Variants in STK24 observed in about 807,000 individuals in gnomAD.
STK24 encodes the protein serine/threonine kinase 24.
STK24 carries 21 observed loss-of-function variants against 55.6 expected under a neutral mutation model. That is an observed-to-expected ratio of 0.38 (90% CI 0.27 to 0.54). The LOEUF is 0.54. Among genes scored for constraint, STK24 ranks in the 20% least tolerant of loss-of-function variants. The probability of loss-of-function intolerance (pLI) is 0.79; values close to 1 mark genes in which losing one functional copy is unlikely to be tolerated. For synonymous variants in STK24, 200 were observed against 215.2 expected (o/e 0.93, Z 0.62); for missense variants, 383 against 538.4 (o/e 0.71, Z 2.86).
Position 98,577,081 on chromosome 13 carries a change from G to C in STK24, c.-295C>G, listed in dbSNP as rs975634499. The C allele has an allele frequency of 6.9e-6, 1 of 145,896 alleles. No homozygotes were observed. The highest frequency in any genetic ancestry group is 1.5e-5 in the Non-Finnish European group (1 of 65,626). The allele number at this position is 145,896 out of a possible 1,614,324, so 9.0% of individuals were successfully genotyped here. A position where few individuals can be genotyped will look rare whatever the true frequency, so the allele number is the denominator to read the frequency against. The stretch of plus-strand genomic sequence containing the variant: ...GGCTGGAGCCGGGCGGCCTGGGCCC[G>C]CGCGCGCTGGCCGCTGGAGCCGGAG... On this transcript the variant is annotated 5_prime_UTR_variant, in exon 1 of 11. Transcript: ENST00000539966. This position sits in a 1 kb window ranked among gnomAD's most constrained non-coding sequence, Gnocchi z 4.1.
intron 5 of STK24, 69 bp downstream of exon 5, chr13:98,474,752 G>C (rs1412340948): frequency 2.6e-6 from 4 of 1,519,840 alleles, no homozygotes; most frequent in Middle Eastern, 2.3e-4. Context: ...AAGCTACCAG[G>C]CTAAAGAACA....
intron 7 of STK24, among the ~76,000 whole-genome samples, chr13:98,462,153 C>T (rs1893734273): frequency 6.6e-6 from 1 of 152,166 alleles, no homozygotes; most frequent in South Asian, 2.1e-4. Context: ...CACCCTCCTC[C>T]TCCTCCCGGA....
intron 3 of STK24, among the ~76,000 whole-genome samples, chr13:98,476,815 C>G (rs1420814459): frequency 1.3e-5 from 2 of 152,244 alleles, no homozygotes; most frequent in Non-Finnish European, 2.9e-5. Flanking sequence ...GTCAGGGCCA[C>G]TCTCAGAGGT....
intron 1 of STK24, among the ~76,000 whole-genome samples, chr13:98,520,716 C>CT (rs1468880391): frequency 1.3e-5 from 2 of 152,248 alleles, no homozygotes; most frequent in Non-Finnish European, 2.9e-5. Flanking sequence ...GTGAGACACA[C>CT]TGAGTTCCGA....
chr13:98,542,139 T>C (rs2139421307), intron 1 of STK24, among the ~76,000 whole-genome samples: 1 of 152,314 alleles, frequency 6.6e-6, no homozygotes, highest in Non-Finnish European at 1.5e-5. Context: ...GACTGCGTTA[T>C]TTTCTGGACA....
intron 1 of STK24, among the ~76,000 whole-genome samples, chr13:98,533,217 A>T (rs1002111540): frequency 6.6e-6 from 1 of 152,070 alleles, no homozygotes. Context: ...CATCTCTACA[A>T]AAAATATAAA....
At chr13:98,500,530 G>A (rs375266432) in intron 2 of STK24, among the ~76,000 whole-genome samples, 29 of 152,212 alleles carry the variant, frequency 1.9e-4, no homozygotes, top group African/African-American at 6.5e-4. Flanking sequence ...AACCTGATGC[G>A]TCCAAACTCA....
At chr13:98,467,351 G>A (rs1893964547) in intron 5 of STK24, among the ~76,000 whole-genome samples, 1 of 152,058 alleles carries the variant, frequency 6.6e-6, no homozygotes, top group Non-Finnish European at 1.5e-5. Context: ...CTACCTATCA[G>A]TGCCTGAAAT....
intron 2 of STK24, among the ~76,000 whole-genome samples, chr13:98,506,656 GT>G (rs1345964784): frequency 1.1e-4 from 16 of 152,164 alleles, no homozygotes; most frequent in African/African-American, 3.9e-4. Flanking sequence ...CCGGATCTAT[GT>G]CAAAGTGGGG....
intron 1 of STK24, among the ~76,000 whole-genome samples, chr13:98,547,422 C>T (rs1156440208): frequency 6.6e-6 from 1 of 152,122 alleles, no homozygotes; most frequent in Non-Finnish European, 1.5e-5. Context: ...GTGGCACACG[C>T]CTATAGTCCC....
At chr13:98,507,177 A>G (rs1348934937) in intron 2 of STK24, among the ~76,000 whole-genome samples, 1 of 152,212 alleles carries the variant, frequency 6.6e-6, no homozygotes, top group Non-Finnish European at 1.5e-5. Flanking sequence ...TATCTGAAAT[A>G]CCCTCTGTAG....
intron 2 of STK24, among the ~76,000 whole-genome samples, chr13:98,498,800 G>A (rs1369879841): frequency 6.6e-6 from 1 of 152,214 alleles, no homozygotes; most frequent in Non-Finnish European, 1.5e-5. Flanking sequence ...GGCAGACACA[G>A]CAGGAGCCAG....
chr13:98,576,753 C>G lies in STK24; in HGVS notation c.34G>C (p.Gly12Arg), dbSNP rs933645061. The G allele has an allele frequency of 1.4e-6, 2 of 1,457,528 alleles. No homozygotes were observed. Among genetic ancestry groups the G allele is most frequent in the Non-Finnish European group, 1.8e-6 (2 of 1,108,974 alleles). The allele number at this position is 1,457,528 out of a possible 1,614,324, so 90.3% of individuals were successfully genotyped here. A position where few individuals can be genotyped will look rare whatever the true frequency, so the allele number is the denominator to read the frequency against. ...AHSPVQSGLP[G>R]MQNLKADPEE... The stretch of plus-strand genomic sequence containing the variant: ...GGCCCGCGCCCGCCTACCTGCATGC[C>G]GGGCAGGCCCGACTGCACCGGGGAG... Residue 12 changes from glycine (G) to arginine (R), a missense_variant, in exon 1 of 11, where the codon GGC becomes CGC. By Grantham distance (125) the Gly-to-Arg change is moderately radical. Transcript: ENST00000539966.
At chr13:98,484,302 C>T (rs1222830578) in intron 2 of STK24, among the ~76,000 whole-genome samples, 1 of 152,214 alleles carries the variant, frequency 6.6e-6, no homozygotes, top group Non-Finnish European at 1.5e-5. Flanking sequence ...AATCGCTTTT[C>T]CCTAAGAGAG....
chr13:98,562,173 T>C (rs1327726917), intron 1 of STK24, among the ~76,000 whole-genome samples: 3 of 152,206 alleles, frequency 2.0e-5, no homozygotes, highest in East Asian at 1.9e-4. Flanking sequence ...GAAATGTGTG[T>C]ACGCAGACAA....
rs1897126917 is a variant in STK24, at chr13:98,550,279, C to G, written c.42+26466G>C. 2.0e-5 allele frequency among the ~76,000 whole-genome samples: 3 copies of G among 152,170 alleles called. 1 individual carries two copies. The South Asian group carries it at 6.2e-4, about 32-fold the overall frequency. On this transcript the variant is annotated intron_variant, in intron 1 of 10. Transcript: ENST00000539966. ...ACAGGCCAAGCACAGTGGCTCATGC[C>G]CATAATCCCAGCACTTTGGGAGGTC...
At chr13:98,473,599 G>C (rs1027365338) in intron 5 of STK24, among the ~76,000 whole-genome samples, 2 of 152,162 alleles carry the variant, frequency 1.3e-5, no homozygotes, top group Non-Finnish European at 2.9e-5. Flanking sequence ...ACGTGGGGTA[G>C]AGACACTCCC....
chr13:98,456,469 C>A (rs1893459649), intron 10 of STK24: 3 of 508,582 alleles, frequency 5.9e-6, no homozygotes, highest in Middle Eastern at 3.2e-4. Flanking sequence ...TCAGGTCACA[C>A]AGAGCGGCTT....
intron 3 of STK24, among the ~76,000 whole-genome samples, chr13:98,476,449 C>A (rs1180497249): frequency 2.6e-5 from 4 of 152,204 alleles, no homozygotes; most frequent in African/African-American, 9.6e-5. Flanking sequence ...ACAGCCCACA[C>A]CCACACATTT....
Sources: gnomAD v4.1 joint callset for allele counts (sites outside exome capture counted in the v4.1 genomes callset) on GRCh38, gnomAD v4.1.1 for gene constraint, Gnocchi (gnomAD v3.1) non-coding constraint, MANE v1.5 for transcripts, NCBI Gene and HGNC (gene_info 2026-07-23, HGNC 2026-07-21) for gene names.